Variants in PIH1D2 observed in about 807,000 individuals in gnomAD.
PIH1D2 encodes PIH1 domain-containing protein 2.
Under a neutral mutation model 31.2 loss-of-function variants are expected in PIH1D2, and 25 were observed. The observed-to-expected ratio is 0.80, with a 90% confidence interval of 0.58 to 1.12. The LOEUF (loss-of-function observed/expected upper bound fraction) is 1.12, where lower values mean the gene tolerates loss of function less well. Among genes scored for constraint, PIH1D2 ranks in the 50% most tolerant of loss-of-function variants. The pLI is 0.00. For missense variants in PIH1D2, 310 were observed against 356.6 expected (o/e 0.87, Z 1.05); for synonymous variants, 116 against 119.9 (o/e 0.97, Z 0.21).
At chr11:112,058,614 GA>G (rs1320482897), downstream of PIH1D2, among the ~76,000 whole-genome samples, 33 of 99,848 alleles carry the variant, frequency 3.3e-4, no homozygotes, top group African/African-American at 1.1e-3. Context: ...TGGGGTGGGG[GA>G]AGGGGGGGGT....
chr11:112,059,798 T>C (rs1864435716), downstream of PIH1D2: 7 of 981,218 alleles, frequency 7.1e-6, no homozygotes, highest in Admixed American at 2.7e-5. Context: ...ATAACACACA[T>C]TGGTTCAAAA....
intron 3 of PIH1D2, 69 bp from the exon 4 acceptor site, chr11:112,071,352 T>C: frequency 1.4e-6 from 2 of 1,472,256 alleles, no homozygotes; most frequent in Non-Finnish European, 1.8e-6. Flanking sequence ...TCAGGCAATA[T>C]ATTAAACCAT....
chr11:112,062,441 G>T (rs1555183363), downstream of PIH1D2: 1 of 1,612,602 alleles, frequency 6.2e-7, no homozygotes. Flanking sequence ...GTTACACTCA[G>T]TTGTGATCAC....
chr11:112,058,493 G>C (rs1864257936), downstream of PIH1D2, among the ~76,000 whole-genome samples: 1 of 151,686 alleles, frequency 6.6e-6, no homozygotes, highest in Admixed American at 6.6e-5. Context: ...CTGTGCCTTT[G>C]TTTGAAGTCT....
chr11:112,059,291 C>T (rs587609816), downstream of PIH1D2, among the ~76,000 whole-genome samples: 34 of 151,734 alleles, frequency 2.2e-4, no homozygotes, highest in African/African-American at 8.0e-4. Context: ...TCAAGGCAGA[C>T]GGCAGGGGAT....
At chr11:112,066,046 T>C (rs1031141427), downstream of PIH1D2, among the ~76,000 whole-genome samples, 3 of 152,210 alleles carry the variant, frequency 2.0e-5, no homozygotes, top group East Asian at 3.9e-4. Flanking sequence ...CAGTTATTTC[T>C]GTTATACAAC....
downstream of PIH1D2, among the ~76,000 whole-genome samples, chr11:112,066,506 C>T (rs928611617): frequency 7.9e-5 from 12 of 151,694 alleles, no homozygotes; most frequent in South Asian, 2.1e-4. Flanking sequence ...GGGGCGGTTG[C>T]GGGCGCCTGT....
At chr11:112,061,008 A>T, downstream of PIH1D2, 1 of 1,534,196 alleles carries the variant, frequency 6.5e-7, no homozygotes, top group Non-Finnish European at 8.8e-7. Context: ...TTGACAAACT[A>T]TAATTTATTT....
chr11:112,062,269 G>T, downstream of PIH1D2: 3 of 921,678 alleles, frequency 3.3e-6, no homozygotes, highest in Non-Finnish European at 5.0e-6. Context: ...TTGAGCTAAA[G>T]GTATAGGAGA....
At chr11:112,063,109 T>A (rs1222825075), downstream of PIH1D2, 2 of 154,672 alleles carry the variant, frequency 1.3e-5, no homozygotes, top group African/African-American at 4.8e-5. Context: ...AGTCAGCATT[T>A]TCTTAGACCT....
At chr11:112,052,862 T>G in the PIH1D2 span, among the ~76,000 whole-genome samples, 1 of 152,060 alleles carries the variant, frequency 6.6e-6, no homozygotes, top group Non-Finnish European at 1.5e-5. Flanking sequence ...CCGAGGTTAC[T>G]TAGGGATCCC....
chr11:112,071,588 A>G, intron 3 of PIH1D2, 47 bp downstream of exon 3: 2 of 1,580,280 alleles, frequency 1.3e-6, no homozygotes, highest in East Asian at 2.2e-5. Flanking sequence ...GATCTTGTCC[A>G]TTCCTAATAA....
chr11:112,070,496 C>T lies in PIH1D2; in HGVS notation c.753G>A (p.Glu251=), dbSNP rs1865073980. The stretch of plus-strand genomic sequence containing the variant: ...TAATACCAGGTAATTCAACTTTCAA[C>T]TCAATTTTCAGAGGTTTCTCACTGT... ...HDHSEKPLKI[E]LKVELPGINS... is the part of the protein sequence containing the mutation. The change falls in exon 5 of 6, where the codon GAG becomes GAA. Residue 251 remains glutamate (E), a synonymous_variant. Transcript: ENST00000280350. 1.2e-6 allele frequency: 2 copies of T among 1,613,956 alleles called. No homozygotes were observed. The highest frequency in any genetic ancestry group is 1.7e-6 in the Non-Finnish European group (2 of 1,180,012).
Position 112,068,388 on chromosome 11 carries a change from G to A in PIH1D2, c.814-383C>T, listed in dbSNP as rs1479216447. On this transcript the variant is annotated intron_variant, in intron 5 of 5. Transcript: ENST00000280350. ...TAGTTGATTTGTGGCTTTAGGTGAAGAAGTGGGAAAATAGATGGTAATGTG... is the reference window on the plus strand; with the variant it reads ...TAGTTGATTTGTGGCTTTAGGTGAAAAAGTGGGAAAATAGATGGTAATGTG... Among the ~76,000 whole-genome samples the A allele has an allele frequency of 2.0e-5, 3 of 152,218 alleles. No homozygotes were observed. In the South Asian group the frequency reaches 6.2e-4, roughly 31 times the overall value.
chr11:112,066,568 G>GT (rs1864933588), downstream of PIH1D2, among the ~76,000 whole-genome samples: 1 of 151,468 alleles, frequency 6.6e-6, no homozygotes, highest in Non-Finnish European at 1.5e-5. Context: ...AACCCAGGAG[G>GT]TGGAGGTTTC....
downstream of PIH1D2, chr11:112,061,355 A>T (rs1447890904): frequency 1.9e-5 from 12 of 641,790 alleles, no homozygotes; most frequent in East Asian, 2.8e-4. Context: ...TATTCTGTAT[A>T]CTTTATTCTT....
In PIH1D2 at chr11:112,071,712, C is replaced by T. The variant is rs781913748; in HGVS notation, c.224G>A (p.Arg75Lys). Residue 75 changes from arginine (R) to lysine (K), a missense_variant, in exon 3 of 6, where the codon AGG (arginine) becomes AAG (lysine). Physicochemically the swap from Arg to Lys is conservative, Grantham distance 26. Transcript: ENST00000280350. ...AGTGGTTGATTGGGGAGCTGGGATC[C>T]TTGTCCACTGACACAGGTTGATAAA... The part of the protein sequence containing the change: ...ILFINLCQWT[R>K]IPAPQSTTHP... The T allele has an allele frequency of 1.2e-6, 2 of 1,613,820 alleles. No individual in the cohort carries two copies. The highest frequency in any genetic ancestry group is 2.2e-5 in the South Asian group (2 of 91,062).
At chr11:112,065,710 G>A (rs1438874157), downstream of PIH1D2, among the ~76,000 whole-genome samples, 1 of 152,232 alleles carries the variant, frequency 6.6e-6, no homozygotes, top group Non-Finnish European at 1.5e-5. Flanking sequence ...GCTAGGCCCA[G>A]TGGCTCACGC....
chr11:112,069,421 A>T (rs1471495814), intron 5 of PIH1D2, among the ~76,000 whole-genome samples: 1 of 152,164 alleles, frequency 6.6e-6, no homozygotes, highest in Non-Finnish European at 1.5e-5. Flanking sequence ...CTAAAAAGGA[A>T]TTATGGGTAT....
Sources: allele counts gnomAD v4.1 joint callset (sites outside exome capture counted in the v4.1 genomes callset), GRCh38; gene constraint gnomAD v4.1.1; transcripts MANE v1.5; gene names NCBI Gene and HGNC (gene_info 2026-07-23, HGNC 2026-07-21).